Variants in TRIM44 observed in about 807,000 individuals in gnomAD.
The protein encoded by TRIM44 is tripartite motif-containing protein 44.
A neutral mutation model predicts 37.4 loss-of-function variants in TRIM44; 13 were observed. The ratio of observed to expected loss-of-function variants is 0.35; its 90% CI spans 0.23 to 0.55. The LOEUF is 0.55. Ranked by LOEUF, TRIM44 falls within the 20% of genes least tolerant of loss-of-function variation. The pLI is 0.89. For synonymous variants in TRIM44, 175 were observed against 157.2 expected (o/e 1.11, Z -0.85); for missense variants, 426 against 437.2 (o/e 0.97, Z 0.23).
chr11:35,764,357 C>A (rs1852765538), intron 4 of TRIM44, among the ~76,000 whole-genome samples: 1 of 152,182 alleles, frequency 6.6e-6, no homozygotes, highest in Non-Finnish European at 1.5e-5. Context: ...CCAGACAGGT[C>A]TTTCTTTCAA....
intron 4 of TRIM44, among the ~76,000 whole-genome samples, chr11:35,791,901 G>T (rs1853216772): frequency 6.6e-6 from 1 of 152,194 alleles, no homozygotes; most frequent in Non-Finnish European, 1.5e-5. Flanking sequence ...TCACTGTGAG[G>T]TGAAAGAATA....
At chr11:35,663,927 T>G in intron 1 of TRIM44, 147 bp downstream of exon 1, 4 of 914,844 alleles carry the variant, frequency 4.4e-6, no homozygotes, top group Non-Finnish European at 6.4e-6. Flanking sequence ...TTATTCACCG[T>G]TTTTGGTTGA....
chr11:35,817,228 C>T lies in TRIM44; in HGVS notation c.*10843C>T, dbSNP rs1334448573. On this transcript the variant is annotated 3_prime_UTR_variant, in exon 5 of 5. Coordinates refer to ENST00000299413, the MANE Select transcript of TRIM44 (RefSeq NM_017583.6). ...AAGATACCTTTAGCTACATCTACCC[C>T]AGAATGAGTGTCCAAAGCAGGTGGC... 1 of 152,142 alleles carries T rather than the reference C, an allele frequency of 6.6e-6. No individual in the cohort carries two copies. The highest frequency in any genetic ancestry group is 1.5e-5 in the Non-Finnish European group (1 of 68,038). 9.4% of individuals were successfully genotyped at this position (152,142 alleles called of 1,614,324 possible).
intron 4 of TRIM44, among the ~76,000 whole-genome samples, chr11:35,765,965 A>G (rs956934107): frequency 1.3e-5 from 2 of 152,234 alleles, no homozygotes; most frequent in African/African-American, 4.8e-5. Context: ...AGGATATGGT[A>G]CATTTCATAA....
intron 4 of TRIM44, among the ~76,000 whole-genome samples, chr11:35,786,972 C>T (rs1366263545): frequency 6.6e-6 from 1 of 152,122 alleles, no homozygotes; most frequent in Non-Finnish European, 1.5e-5. Context: ...CTATAGCTCT[C>T]TGTAAGTATT....
At chr11:35,781,949 A>G (rs1590597097) in intron 4 of TRIM44, among the ~76,000 whole-genome samples, 1 of 152,234 alleles carries the variant, frequency 6.6e-6, no homozygotes, top group East Asian at 1.9e-4. Flanking sequence ...CCTTTACTTC[A>G]TGCCCTTTCA....
At chr11:35,696,136 A>ATTTT (rs1197445648) in intron 2 of TRIM44, among the ~76,000 whole-genome samples, 1 of 138,298 alleles carries the variant, frequency 7.2e-6, no homozygotes, top group African/African-American at 2.7e-5. Flanking sequence ...GATGAGTCAA[A>ATTTT]TTTTTTTTTT....
intron 4 of TRIM44, among the ~76,000 whole-genome samples, chr11:35,763,272 C>T (rs550922244): frequency 1.3e-5 from 2 of 151,850 alleles, no homozygotes; most frequent in East Asian, 3.9e-4. Context: ...TCCTGAAGGC[C>T]CACTAGATTA....
intron 2 of TRIM44, among the ~76,000 whole-genome samples, chr11:35,686,374 G>GTTT (rs577200341): frequency 7.5e-6 from 1 of 133,372 alleles, no homozygotes; most frequent in East Asian, 2.2e-4. Context: ...TTTTGTTTTT[G>GTTT]TTTTTTTTTT....
Position 35,810,393 on chromosome 11 carries a change from C to G in TRIM44, c.*4008C>G, listed in dbSNP as rs1853514377. On this transcript the variant is annotated 3_prime_UTR_variant, in exon 5 of 5. Transcript: ENST00000299413. Reference sequence around the variant, plus strand: ...CAGATTTTTATGTTTAAAAAAATCTCATTATGGATTGAGTCCAGCCCAGCT... The same window carrying G: ...CAGATTTTTATGTTTAAAAAAATCTGATTATGGATTGAGTCCAGCCCAGCT... The G allele has an allele frequency of 6.6e-6, 1 of 152,054 alleles. No individual in the cohort carries two copies. The highest frequency in any genetic ancestry group is 1.5e-5 in the Non-Finnish European group (1 of 68,008). 9.4% of individuals were successfully genotyped at this position (152,054 alleles called of 1,614,324 possible).
At position 35,715,418 on chromosome 11, in the gene TRIM44, GTGTGTGT is replaced by G. The variant is rs1433239181; in HGVS notation, c.748-10505_748-10499del. Among the ~76,000 whole-genome samples the G allele has an allele frequency of 1.8e-3, 276 of 151,814 alleles. 2 individuals are homozygous for G. The highest frequency in any genetic ancestry group is 6.4e-3 in the African/African-American group (265 of 41,294). On this transcript the variant is annotated intron_variant, in intron 2 of 4. Coordinates refer to ENST00000299413, the MANE Select transcript of TRIM44 (RefSeq NM_017583.6). The stretch of plus-strand genomic sequence containing the variant: ...TCTCTCTGTGTATGTGTGTGTGTGT[GTGTGTGT>G]GTGTGGGTGTGGGTGTGGGTGTACA...
At position 35,786,369 on chromosome 11, in the gene TRIM44, G is replaced by A. The variant is rs114946574; in HGVS notation, c.1008-19989G>A. On this transcript the variant is annotated intron_variant, in intron 4 of 4. Transcript: ENST00000299413. ...GATGGTTATTGACAACTAGAAGACT[G>A]AAGAAAGATTCCATCAAAGACTCCA... 8.2e-3 allele frequency among the ~76,000 whole-genome samples: 1,250 copies of A among 152,294 alleles called. 13 individuals are homozygous for A. The highest frequency in any genetic ancestry group is 0.028 in the African/African-American group (1,160 of 41,548).
At position 35,686,838 on chromosome 11, in the gene TRIM44, G is replaced by A. The variant is rs571708439; in HGVS notation, c.747+1502G>A. On this transcript the variant is annotated intron_variant, in intron 2 of 4. Transcript: ENST00000299413. ...CTCCCAAAGTGCTGGGATTATGGGC[G>A]TGAGCCACCACACCTGGCCACACTT... 1.1e-3 allele frequency among the ~76,000 whole-genome samples: 168 copies of A among 152,264 alleles called. 1 individual carries two copies. The highest frequency in any genetic ancestry group is 1.7e-3 in the Non-Finnish European group (119 of 68,012).
At position 35,685,301 on chromosome 11, in the gene TRIM44, G is replaced by A. The variant is rs1365213656; in HGVS notation, c.712G>A (p.Val238Met). 3.7e-6 allele frequency: 6 copies of A among 1,614,112 alleles called. No homozygotes were observed. The highest frequency in any genetic ancestry group is 1.7e-5 in the Admixed American group (1 of 60,012). Residue 238 changes from valine (V) to methionine (M), a missense_variant, in exon 2 of 5, where the codon GTG (valine) becomes ATG (methionine). Physicochemically the swap from Val to Met is conservative, Grantham distance 21 (BLOSUM62 1). Coordinates refer to ENST00000299413, the MANE Select transcript of TRIM44 (RefSeq NM_017583.6). ...ACTGAAGGCCGCTATGATCGAATTG[G>A]TGGAAAGGTTGAAGTTCAAGAGCTC... ...GGLKAAMIEL[V>M]ERLKFKSSDP...
rs1418875382 is a variant in TRIM44, at chr11:35,816,737, T to C, written c.*10352T>C. 1 of 152,216 alleles carries C rather than the reference T, an allele frequency of 6.6e-6. No individual in the cohort carries two copies. The highest frequency in any genetic ancestry group is 1.5e-5 in the Non-Finnish European group (1 of 68,040). The allele number at this position is 152,216 out of a possible 1,614,324, so 9.4% of individuals were successfully genotyped here. ...ACAGACTTGGTTTTAGTACTGGCTTTGTTCTTTACTAACTCTGAACAATTA... is the reference window on the plus strand; with the variant it reads ...ACAGACTTGGTTTTAGTACTGGCTTCGTTCTTTACTAACTCTGAACAATTA... On this transcript the variant is annotated 3_prime_UTR_variant, in exon 5 of 5. Coordinates refer to ENST00000299413, the MANE Select transcript of TRIM44 (RefSeq NM_017583.6).
intron 4 of TRIM44, among the ~76,000 whole-genome samples, chr11:35,784,163 C>T (rs1158490873): frequency 6.6e-6 from 1 of 152,136 alleles, no homozygotes; most frequent in Non-Finnish European, 1.5e-5. Flanking sequence ...GGCAGGAGTA[C>T]TCAGCTATCC....
At chr11:35,694,705 G>A (rs1485640591) in intron 2 of TRIM44, among the ~76,000 whole-genome samples, 1 of 152,028 alleles carries the variant, frequency 6.6e-6, no homozygotes, top group Non-Finnish European at 1.5e-5. Context: ...TTTACCCTAA[G>A]GGTTTCAATG....
intron 4 of TRIM44, among the ~76,000 whole-genome samples, chr11:35,767,410 G>T (rs779019045): frequency 3.9e-5 from 6 of 152,082 alleles, no homozygotes; most frequent in Non-Finnish European, 7.4e-5. Flanking sequence ...TCAGTCACAG[G>T]TTAGGTATGC....
At chr11:35,740,237 C>T (rs1248532569) in intron 4 of TRIM44, among the ~76,000 whole-genome samples, 1 of 150,766 alleles carries the variant, frequency 6.6e-6, no homozygotes, top group Non-Finnish European at 1.5e-5. Flanking sequence ...TGTGTTCACT[C>T]CCTCACAGGT....
Sources: allele counts gnomAD v4.1 joint callset (sites outside exome capture counted in the v4.1 genomes callset), GRCh38; gene constraint gnomAD v4.1.1; transcripts MANE v1.5; gene names NCBI Gene and HGNC (gene_info 2026-07-23, HGNC 2026-07-21).